Variants in EPHA3 observed in about 807,000 individuals in gnomAD.
EPHA3 encodes ephrin type-A receptor 3.
A neutral mutation model predicts 107.1 loss-of-function variants in EPHA3; 42 were observed. That is an observed-to-expected ratio of 0.39 (90% CI 0.31 to 0.51). The LOEUF (loss-of-function observed/expected upper bound fraction) is 0.51. Among genes scored for constraint, EPHA3 ranks in the 20% least tolerant of loss-of-function variants. The pLI is 0.78. For synonymous variants in EPHA3, 461 were observed against 424.8 expected (o/e 1.09, Z -1.05); for missense variants, 1,183 against 1,211.2 (o/e 0.98, Z 0.35).
chr3:89,352,746 T>G, intron 5 of EPHA3, among the ~76,000 whole-genome samples: 1 of 149,690 alleles, frequency 6.7e-6, no homozygotes, highest in South Asian at 2.1e-4. Context: ...TCTACAAAAA[T>G]ACAAAAATTA....
intron 2 of EPHA3, among the ~76,000 whole-genome samples, chr3:89,164,713 A>G (rs1236442521): frequency 1.3e-5 from 2 of 152,198 alleles, no homozygotes. Flanking sequence ...ATTCAATGAA[A>G]GTATATGCTT....
At chr3:89,195,905 T>G (rs1705827300) in intron 2 of EPHA3, among the ~76,000 whole-genome samples, 1 of 152,110 alleles carries the variant, frequency 6.6e-6, no homozygotes, top group Non-Finnish European at 1.5e-5. Context: ...ACATGGTCAT[T>G]CCCCACTGTT....
In EPHA3 at chr3:89,481,039, A is replaced by G; in HGVS notation, c.*1537A>G. ...ACCTGGTGGATATCTAGCTAGTAAT[A>G]TATTCTGAAGCAACATTTTAGCTCT... On this transcript the variant is annotated 3_prime_UTR_variant, in exon 17 of 17. Coordinates refer to ENST00000336596, the MANE Select transcript of EPHA3 (RefSeq NM_005233.6). 1 of 231,830 alleles carries G rather than the reference A, an allele frequency of 4.3e-6. No individual in the cohort carries two copies. The highest frequency in any genetic ancestry group is 8.5e-6 in the Non-Finnish European group (1 of 117,128). 14.4% of individuals were successfully genotyped at this position (231,830 alleles called of 1,614,324 possible).
intron 3 of EPHA3, among the ~76,000 whole-genome samples, chr3:89,316,505 AATAT>A (rs58576798): frequency 0.039 from 4,037 of 104,016 alleles, 90 homozygotes; most frequent in African/African-American, 0.057. Flanking sequence ...GTGTGTGTGT[AATAT>A]ATATATATAT....
At chr3:89,477,251 A>G (rs1162108209) in intron 16 of EPHA3, among the ~76,000 whole-genome samples, 1 of 152,164 alleles carries the variant, frequency 6.6e-6, no homozygotes, top group Non-Finnish European at 1.5e-5. Context: ...CAAGCCTCAC[A>G]TTCCCATACA....
At chr3:89,458,751 T>C (rs1710152336) in intron 15 of EPHA3, among the ~76,000 whole-genome samples, 1 of 152,142 alleles carries the variant, frequency 6.6e-6, no homozygotes, top group African/African-American at 2.4e-5. Flanking sequence ...GCAGGACTAT[T>C]TACAATAGCA....
At chr3:89,293,010 T>C (rs950963222) in intron 3 of EPHA3, among the ~76,000 whole-genome samples, 1 of 152,176 alleles carries the variant, frequency 6.6e-6, no homozygotes, top group Non-Finnish European at 1.5e-5. Flanking sequence ...CCCCTTTGTA[T>C]TGTCAGTCTT....
chr3:89,469,565 A>C (rs1407641819), intron 15 of EPHA3, among the ~76,000 whole-genome samples: 2 of 152,222 alleles, frequency 1.3e-5, no homozygotes, highest in Non-Finnish European at 2.9e-5. Flanking sequence ...AAGTTGAAGA[A>C]TATCACCAGA....
At chr3:89,141,563 G>A (rs1704431401) in intron 2 of EPHA3, among the ~76,000 whole-genome samples, 1 of 151,556 alleles carries the variant, frequency 6.6e-6, no homozygotes, top group Non-Finnish European at 1.5e-5. Context: ...CACCCTTATA[G>A]TTATGGATTG....
intron 3 of EPHA3, among the ~76,000 whole-genome samples, chr3:89,258,608 A>G (rs1705341831): frequency 6.6e-6 from 1 of 152,244 alleles, no homozygotes; most frequent in South Asian, 2.1e-4. Flanking sequence ...TTGAAAATAC[A>G]GACATAAAGA....
intron 2 of EPHA3, among the ~76,000 whole-genome samples, chr3:89,170,652 C>G (rs1382148927): frequency 6.6e-6 from 1 of 152,056 alleles, no homozygotes; most frequent in Non-Finnish European, 1.5e-5. Flanking sequence ...ACAGTGGGAT[C>G]CCAAGCTCAA....
intron 3 of EPHA3, among the ~76,000 whole-genome samples, chr3:89,248,551 A>C (rs1705090473): frequency 6.6e-6 from 1 of 152,224 alleles, no homozygotes; most frequent in African/African-American, 2.4e-5. Context: ...ATTTCGGTGT[A>C]GTAATAGATA....
rs150555764 is a variant in EPHA3, at chr3:89,472,544, G to A, written c.2771G>A (p.Trp924Ter). Residue 924 changes from tryptophan (W) to a stop codon, truncating the protein, a stop_gained, in exon 16 of 17, where the codon TGG becomes TAG. Transcript: ENST00000336596. LOFTEE classifies it high-confidence loss of function. Reference sequence around the variant, plus strand: ...ACAGGTGACTGGCTTAATGGTGTCTGGACAGCACACTGCAAGGAAATCTTC... The same window carrying A: ...ACAGGTGACTGGCTTAATGGTGTCTAGACAGCACACTGCAAGGAAATCTTC... ...RTTGDWLNGVWTAHCKEIFTG... is the reference protein window; with the variant it reads ...RTTGDWLNGV 8 of 1,613,898 alleles carry A rather than the reference G, an allele frequency of 5.0e-6. No homozygotes were observed. Among genetic ancestry groups the A allele is most frequent in the East Asian group, 2.2e-5 (1 of 44,890 alleles).
At chr3:89,388,551 G>T (rs564959721) in intron 5 of EPHA3, among the ~76,000 whole-genome samples, 1 of 152,284 alleles carries the variant, frequency 6.6e-6, no homozygotes, top group Admixed American at 6.5e-5. Flanking sequence ...GAGAGATCTA[G>T]TGTTGCAGAC....
At chr3:89,385,478 T>A (rs778536820) in intron 5 of EPHA3, among the ~76,000 whole-genome samples, 6 of 152,198 alleles carry the variant, frequency 3.9e-5, no homozygotes, top group Non-Finnish European at 8.8e-5. Flanking sequence ...GCACTTCTAC[T>A]TCCTGCTGCC....
At chr3:89,324,543 TA>T (rs1421918105) in intron 3 of EPHA3, among the ~76,000 whole-genome samples, 1 of 151,976 alleles carries the variant, frequency 6.6e-6, no homozygotes, top group African/African-American at 2.4e-5. Flanking sequence ...TATCCAGATT[TA>T]TTTTTTCTAC....
intron 10 of EPHA3, among the ~76,000 whole-genome samples, chr3:89,413,742 C>T (rs1709197839): frequency 6.6e-6 from 1 of 151,602 alleles, no homozygotes; most frequent in Non-Finnish European, 1.5e-5. Flanking sequence ...ATATAAGGTG[C>T]TCCATTTTAA....
At chr3:89,131,807 T>C (rs972272733) in intron 2 of EPHA3, among the ~76,000 whole-genome samples, 1 of 152,228 alleles carries the variant, frequency 6.6e-6, no homozygotes, top group Non-Finnish European at 1.5e-5. Context: ...GCGGTGAACA[T>C]GCACTTAAAG....
chr3:89,374,272 C>A (rs116463793), intron 5 of EPHA3, among the ~76,000 whole-genome samples: 2,326 of 151,976 alleles, frequency 0.015, 44 homozygotes, highest in African/African-American at 0.053. Context: ...GGGTCCTTGC[C>A]ATGTAGATTT....
Sources: allele counts gnomAD v4.1 joint callset (sites outside exome capture counted in the v4.1 genomes callset), GRCh38; gene constraint gnomAD v4.1.1; transcripts MANE v1.5; gene names NCBI Gene and HGNC (gene_info 2026-07-23, HGNC 2026-07-21).